Variants in ATP13A3 observed in about 807,000 individuals in gnomAD.
ATP13A3 encodes the protein ATPase 13A3, also known as polyamine-transporting ATPase 13A3.
ATP13A3 carries 59 observed loss-of-function variants against 158.1 expected under a neutral mutation model. The observed-to-expected ratio is 0.37, with a 90% CI of 0.30 to 0.46. ATP13A3 has a LOEUF of 0.46. Ranked by LOEUF, ATP13A3 falls within the 20% of genes least tolerant of loss-of-function variation. The probability of loss-of-function intolerance (pLI) is 1.00; values close to 1 mark genes in which losing one functional copy is unlikely to be tolerated. For missense variants in ATP13A3, 1,166 were observed against 1,525.2 expected (o/e 0.76, Z 3.92); for synonymous variants, 491 against 504.3 (o/e 0.97, Z 0.35).
chr3:194,423,824 T>C (rs2108784465), intron 30 of ATP13A3, among the ~76,000 whole-genome samples: 1 of 152,284 alleles, frequency 6.6e-6, no homozygotes, highest in East Asian at 1.9e-4. Flanking sequence ...GCAACTAATA[T>C]TCTCCCTTTC....
intron 1 of ATP13A3, among the ~76,000 whole-genome samples, chr3:194,486,211 G>A (rs916371475): frequency 3.3e-5 from 5 of 152,232 alleles, no homozygotes; most frequent in South Asian, 4.1e-4. Flanking sequence ...CACGGCTGAG[G>A]ACGAGCTAGG....
At chr3:194,432,372 AAG>A (rs1199408341) in intron 21 of ATP13A3, among the ~76,000 whole-genome samples, 1 of 152,260 alleles carries the variant, frequency 6.6e-6, no homozygotes, top group Non-Finnish European at 1.5e-5. Context: ...AACGAGAAAC[AAG>A]AGAGACAACT....
Position 194,431,723 on chromosome 3 carries a change from G to T in ATP13A3, c.2415C>A (p.Asp805Glu), listed in dbSNP as rs1717236745. ...CAGTCGATCTTGACCTTACCTCTGG[G>T]TCAATTGCTGATGGATGACTGCACT... ...LTQCSHPSAI[D>E]PEAIPVKLVH... Residue 805 changes from aspartate to glutamate, a missense_variant, in exon 22 of 34, where the codon GAC becomes GAA. Physicochemically the swap from Asp to Glu is conservative, Grantham distance 45. Coordinates refer to ENST00000645319, the MANE Select transcript of ATP13A3 (RefSeq NM_001367549.1). 1 of 1,569,560 alleles carries T rather than the reference G, an allele frequency of 6.4e-7. No individual in the cohort carries two copies. Among genetic ancestry groups the T allele is most frequent in the Admixed American group, 1.9e-5 (1 of 52,510 alleles).
At chr3:194,415,661 C>CTTTTTTTTTTTTTTTTTTTTTTTTT (rs751005733) in intron 31 of ATP13A3, among the ~76,000 whole-genome samples, 3 of 90,928 alleles carry the variant, frequency 3.3e-5, no homozygotes, top group African/African-American at 4.7e-5. Context: ...ATACCACATT[C>CTTTTTTTTTTTTTTTTTTTTTTTTT]TTTTTTTTTT....
chr3:194,458,506 CA>C (rs1719407937), intron 6 of ATP13A3, among the ~76,000 whole-genome samples: 1 of 152,132 alleles, frequency 6.6e-6, no homozygotes, highest in African/African-American at 2.4e-5. Flanking sequence ...TCTCCTGCCT[CA>C]ACCTCCTGAG....
At chr3:194,460,025 A>G in intron 4 of ATP13A3, 54 bp from the exon 5 acceptor site, 1 of 1,360,506 alleles carries the variant, frequency 7.4e-7, no homozygotes, top group Non-Finnish European at 1.0e-6. Context: ...AAAACTGCCT[A>G]TATTTTCATT....
chr3:194,436,883 G>A (rs1316669042), intron 20 of ATP13A3, among the ~76,000 whole-genome samples: 1 of 152,190 alleles, frequency 6.6e-6, no homozygotes, highest in Non-Finnish European at 1.5e-5. Context: ...GCCTAGGTAC[G>A]GGGTGAGACT....
chr3:194,434,681 C>CT (rs1170286738), intron 20 of ATP13A3, among the ~76,000 whole-genome samples: 1 of 152,158 alleles, frequency 6.6e-6, no homozygotes, highest in Non-Finnish European at 1.5e-5. Context: ...CTTTGGGAGG[C>CT]TGAAATAGGA....
intron 15 of ATP13A3, among the ~76,000 whole-genome samples, chr3:194,443,038 T>TA (rs11426254): frequency 0.21 from 29,621 of 140,734 alleles, 3,741 homozygotes; most frequent in East Asian, 0.51. Flanking sequence ...TGCTTTCACT[T>TA]AAAAAAAAAA....
chr3:194,465,373 G>A (rs1413721239), intron 2 of ATP13A3, among the ~76,000 whole-genome samples: 1 of 152,128 alleles, frequency 6.6e-6, no homozygotes, highest in Non-Finnish European at 1.5e-5. Context: ...CCTGCAAGAT[G>A]GACTCCCTCA....
In ATP13A3 at chr3:194,448,037, T is replaced by C; in HGVS notation, c.1151-28A>G. On this transcript the variant is annotated intron_variant, in intron 12 of 33. Transcript: ENST00000645319. This position sits in a 1 kb window ranked among gnomAD's most constrained non-coding sequence, Gnocchi z 4.0. ...TTCAAAAAAAGAAGACAATTATTGA[T>C]ATTTTTATAAGAAAATGAGAATTAT... 6.5e-7 allele frequency: 1 copy of C among 1,547,556 alleles called. No individual in the cohort carries two copies. The highest frequency in any genetic ancestry group is 8.8e-7 in the Non-Finnish European group (1 of 1,131,836).
chr3:194,453,904 G>C (rs1719005001), intron 9 of ATP13A3, 126 bp from the exon 10 acceptor site: 1 of 727,486 alleles, frequency 1.4e-6, no homozygotes, highest in Non-Finnish European at 2.3e-6. Flanking sequence ...AAAATGTCGA[G>C]TCAGAAATTC....
At chr3:194,426,646 G>A (rs942418943) in intron 29 of ATP13A3, among the ~76,000 whole-genome samples, 7 of 152,132 alleles carry the variant, frequency 4.6e-5, no homozygotes, top group Admixed American at 2.6e-4. Flanking sequence ...AGGCGTGACC[G>A]TGATATACAG....
chr3:194,448,226 C>T lies in ATP13A3; in HGVS notation c.1151-217G>A, dbSNP rs1718541092. Among the ~76,000 whole-genome samples the T allele has an allele frequency of 6.6e-6, 1 of 151,956 alleles. No individual in the cohort carries two copies. Among genetic ancestry groups the T allele is most frequent in the Non-Finnish European group, 1.5e-5 (1 of 67,994 alleles). On this transcript the variant is annotated intron_variant, in intron 12 of 33. Coordinates refer to ENST00000645319, the MANE Select transcript of ATP13A3 (RefSeq NM_001367549.1). This position sits in a 1 kb window ranked among gnomAD's most constrained non-coding sequence, Gnocchi z 4.0. ...CCGAGTAGCTGGGACTGCAGGCGCC[C>T]GCCACCAGGCCCGGCTAATTTTTTT...
chr3:194,447,709 A>G, intron 13 of ATP13A3, 143 bp downstream of exon 13: 1 of 739,258 alleles, frequency 1.4e-6, no homozygotes, highest in Non-Finnish European at 2.2e-6. Context: ...TAGTCTCATG[A>G]CTTTGTTAGC....
chr3:194,432,755 T>C (rs1372507494), intron 21 of ATP13A3, among the ~76,000 whole-genome samples: 1 of 152,100 alleles, frequency 6.6e-6, no homozygotes, highest in Non-Finnish European at 1.5e-5. Flanking sequence ...ACAGACTTTC[T>C]CCATATTAGT....
chr3:194,476,969 T>C (rs961317830), intron 2 of ATP13A3, among the ~76,000 whole-genome samples: 3 of 152,174 alleles, frequency 2.0e-5, no homozygotes, highest in African/African-American at 7.2e-5. Context: ...CTACAGACTC[T>C]GGCCCCGCCT....
chr3:194,456,949 T>A (rs1719273714), intron 7 of ATP13A3, 145 bp downstream of exon 7: 3 of 480,202 alleles, frequency 6.2e-6, no homozygotes, highest in Non-Finnish European at 7.3e-6. Flanking sequence ...CTTACCCAAA[T>A]AAAACATCAA....
At chr3:194,486,276 G>T (rs1392229910) in intron 1 of ATP13A3, among the ~76,000 whole-genome samples, 1 of 152,002 alleles carries the variant, frequency 6.6e-6, no homozygotes, top group Non-Finnish European at 1.5e-5. Flanking sequence ...TCTGCCCACA[G>T]GACCTCCACC....
Sources: gnomAD v4.1 joint callset for allele counts (sites outside exome capture counted in the v4.1 genomes callset) on GRCh38, gnomAD v4.1.1 for gene constraint, Gnocchi (gnomAD v3.1) non-coding constraint, MANE v1.5 for transcripts, NCBI Gene and HGNC (gene_info 2026-07-23, HGNC 2026-07-21) for gene names.